The following GOLM2 variants were observed in gnomAD, a reference collection of about 807,000 sequenced individuals.
GOLM2 encodes golgi membrane protein 2.
GOLM2 carries 26 observed loss-of-function variants against 55.9 expected under a neutral mutation model. The ratio of observed to expected loss-of-function variants is 0.47; its 90% CI spans 0.34 to 0.65. GOLM2 has a LOEUF of 0.65. Ranked by LOEUF, GOLM2 falls within the 30% of genes least tolerant of loss-of-function variation. The pLI, the probability that GOLM2 is intolerant of heterozygous loss-of-function variation, is 0.01. For synonymous variants in GOLM2, 165 were observed against 194.6 expected (o/e 0.85, Z 1.27); for missense variants, 486 against 531.8 (o/e 0.91, Z 0.85).
chr15:44,332,152 A>C (rs747946349), intron 4 of GOLM2, 74 bp downstream of exon 4: 1 of 826,244 alleles, frequency 1.2e-6, no homozygotes, highest in Non-Finnish European at 1.9e-6. Context: ...TAAAATTATA[A>C]TTTTGTCACA....
chr15:44,337,923 T>C lies in GOLM2; in HGVS notation c.721+16T>C. ...CATGGGAAAGGTATTATTGTTATTA[T>C]TCTTTTGTTTTGTATTAATAGGATA... On this transcript the variant is annotated intron_variant, in intron 5 of 9. Coordinates refer to ENST00000299957, the MANE Select transcript of GOLM2 (RefSeq NM_138423.4). The C allele has an allele frequency of 6.4e-7, 1 of 1,574,092 alleles. No individual in the cohort carries two copies. Among genetic ancestry groups the C allele is most frequent in the African/African-American group, 1.4e-5 (1 of 72,496 alleles).
rs2141224631 is a variant in GOLM2, at chr15:44,414,225, A to C, written c.*819A>C. ...GGAGTCATACCTAGAATAGTTACAC[A>C]CAAGAGGGAAACTGGAAGCCAAACA... On this transcript the variant is annotated 3_prime_UTR_variant, in exon 10 of 10. Coordinates refer to ENST00000299957, the MANE Select transcript of GOLM2 (RefSeq NM_138423.4). 6.6e-6 allele frequency: 1 copy of C among 152,348 alleles called. No individual in the cohort carries two copies. Among genetic ancestry groups the C allele is most frequent in the African/African-American group, 2.4e-5 (1 of 41,574 alleles). 9.4% of individuals were successfully genotyped at this position (152,348 alleles called of 1,614,324 possible).
chr15:44,377,483 G>A (rs1215918211), intron 6 of GOLM2, among the ~76,000 whole-genome samples: 2 of 152,200 alleles, frequency 1.3e-5, no homozygotes, highest in Non-Finnish European at 2.9e-5. Context: ...CAATTCTGGT[G>A]CCTCAGGCCC....
intron 1 of GOLM2, among the ~76,000 whole-genome samples, chr15:44,304,544 C>T (rs2078822908): frequency 6.6e-6 from 1 of 151,926 alleles, no homozygotes; most frequent in Admixed American, 6.6e-5. Flanking sequence ...TCCCAGCCCT[C>T]CAGGCTCTAC....
At position 44,368,415 on chromosome 15, in the gene GOLM2, A is replaced by G. The variant is rs559313861; in HGVS notation, c.803-11275A>G. ...GAGCCACCATGCTCGGCCGAGTTAC[A>G]TACATTTCAGACTGCTTGATATTAT... On this transcript the variant is annotated intron_variant, in intron 6 of 9. Transcript: ENST00000299957. Among the ~76,000 whole-genome samples, 78 of 151,122 alleles carry G rather than the reference A, an allele frequency of 5.2e-4. 1 individual carries two copies. Among genetic ancestry groups the G allele is most frequent in the Middle Eastern group, 3.4e-3 (1 of 292 alleles).
At chr15:44,296,541 T>C (rs942164348) in intron 1 of GOLM2, among the ~76,000 whole-genome samples, 12 of 152,222 alleles carry the variant, frequency 7.9e-5, no homozygotes, top group African/African-American at 2.7e-4. Context: ...GGGAAAATTT[T>C]GGAATATAAT....
At chr15:44,404,869 T>G (rs1170593916) in intron 9 of GOLM2, among the ~76,000 whole-genome samples, 1 of 152,168 alleles carries the variant, frequency 6.6e-6, no homozygotes, top group Non-Finnish European at 1.5e-5. Context: ...GGGTAATAAC[T>G]CTTTAACTTC....
chr15:44,310,460 A>C (rs34278769), intron 1 of GOLM2, among the ~76,000 whole-genome samples: 3,614 of 136,686 alleles, frequency 0.026, 74 homozygotes, highest in East Asian at 0.08. Context: ...CTCTCTATAT[A>C]TATATATATG....
At chr15:44,321,497 G>T (rs1197666162) in intron 1 of GOLM2, among the ~76,000 whole-genome samples, 1 of 148,468 alleles carries the variant, frequency 6.7e-6, no homozygotes, top group Non-Finnish European at 1.5e-5. Flanking sequence ...GGGGGTGGGG[G>T]GATAGCATGA....
At chr15:44,360,609 C>A (rs2079230994) in intron 6 of GOLM2, among the ~76,000 whole-genome samples, 1 of 152,134 alleles carries the variant, frequency 6.6e-6, no homozygotes, top group Admixed American at 6.5e-5. Context: ...TAATGGGTGA[C>A]TTTAATGGGT....
rs965500778 is a variant in GOLM2, at chr15:44,288,738, G to T, written c.-292G>T. On this transcript the variant is annotated 5_prime_UTR_variant, in exon 1 of 10. Coordinates refer to ENST00000299957, the MANE Select transcript of GOLM2 (RefSeq NM_138423.4). ...TTTTTCCCCGCCTCCCAACCGTGAG[G>T]TGTTGGGTTTGGGGGACGCTGGCAG... 6.7e-6 allele frequency: 3 copies of T among 449,104 alleles called. No homozygotes were observed. Among genetic ancestry groups the T allele is most frequent in the African/African-American group, 6.3e-5 (3 of 47,918 alleles). The allele number at this position is 449,104 out of a possible 1,614,324, so 27.8% of individuals were successfully genotyped here.
In GOLM2 at chr15:44,320,600, C is replaced by T. The variant is rs546903838; in HGVS notation, c.328-2365C>T. Reference sequence around the variant, plus strand: ...GATTCTAGGCATAAACCACTGTGTCCGACCTAGCTGTATATTTTAAACTTC... The same window carrying T: ...GATTCTAGGCATAAACCACTGTGTCTGACCTAGCTGTATATTTTAAACTTC... On this transcript the variant is annotated intron_variant, in intron 1 of 9. Coordinates refer to ENST00000299957, the MANE Select transcript of GOLM2 (RefSeq NM_138423.4). Among the ~76,000 whole-genome samples, 13 of 152,216 alleles carry T rather than the reference C, an allele frequency of 8.5e-5. No individual in the cohort carries two copies. The East Asian group carries it at 2.1e-3, about 25-fold the overall frequency.
In GOLM2 at chr15:44,289,334, G is replaced by A. The variant is rs2141100121; in HGVS notation, c.305G>A (p.Gly102Glu). The A allele has an allele frequency of 5.6e-6, 9 of 1,612,858 alleles. No individual in the cohort carries two copies. The highest frequency in any genetic ancestry group is 5.5e-5 in the South Asian group (5 of 90,968). Residue 102 changes from glycine (G) to glutamate (E), a missense_variant, in exon 1 of 10, where the codon GGG (glycine) becomes GAG (glutamate). Gly to Glu is a moderately conservative substitution (Grantham distance 98). Transcript: ENST00000299957. This position sits in a 1 kb window ranked among gnomAD's most constrained non-coding sequence, Gnocchi z 4.8. ...SSRLQAREGL[G>E]KRCEDDKVKL... is the part of the protein sequence containing the mutation. The stretch of plus-strand genomic sequence containing the variant: ...CGGCTGCAGGCCAGAGAGGGCCTCG[G>A]GAAGAGATGCGAGGATGACAAGGTA...
chr15:44,319,971 G>A (rs1469688861), intron 1 of GOLM2, among the ~76,000 whole-genome samples: 2 of 152,186 alleles, frequency 1.3e-5, no homozygotes, highest in Non-Finnish European at 2.9e-5. Context: ...ACAATTTAGT[G>A]CATTTTACTA....
At chr15:44,406,933 A>G (rs1014874626) in intron 9 of GOLM2, 10 of 151,774 alleles carry the variant, frequency 6.6e-5, no homozygotes, top group Non-Finnish European at 1.3e-4. Context: ...CCAGCCTTTT[A>G]TCTGATACCT....
chr15:44,300,414 C>G (rs764384398), intron 1 of GOLM2, among the ~76,000 whole-genome samples: 5 of 152,052 alleles, frequency 3.3e-5, no homozygotes, highest in Admixed American at 6.6e-5. Flanking sequence ...TCTTTGTCTC[C>G]CTTTCTTATT....
chr15:44,338,023 A>T, intron 5 of GOLM2, 116 bp downstream of exon 5: 1 of 1,062,874 alleles, frequency 9.4e-7, no homozygotes, highest in Non-Finnish European at 1.4e-6. Context: ...TTCACACATG[A>T]TTAAGTGTCT....
intron 6 of GOLM2, among the ~76,000 whole-genome samples, chr15:44,344,999 G>A (rs1402818209): frequency 6.7e-6 from 1 of 150,186 alleles, no homozygotes; most frequent in Non-Finnish European, 1.5e-5. Flanking sequence ...TTTTAATACA[G>A]ACGGGGTTTC....
intron 8 of GOLM2, chr15:44,387,442 T>C (rs2079454008): frequency 6.6e-6 from 1 of 152,172 alleles, no homozygotes; most frequent in African/African-American, 2.4e-5. Context: ...ATTTTCCTTT[T>C]AGACTTCTTG....
Sources: allele counts gnomAD v4.1 joint callset (sites outside exome capture counted in the v4.1 genomes callset), GRCh38; gene constraint gnomAD v4.1.1; non-coding constraint Gnocchi (gnomAD v3.1); transcripts MANE v1.5; gene names NCBI Gene and HGNC (gene_info 2026-07-23, HGNC 2026-07-21).